OR2L13: variants seen among roughly 807,000 people sequenced by gnomAD.
The protein encoded by OR2L13 is olfactory receptor family 2 subfamily L member 13, also known as olfactory receptor 2L13.
In OR2L13, 14 loss-of-function variants were observed where a neutral mutation model predicts 15.3. That is an observed-to-expected ratio of 0.91 (90% CI 0.60 to 1.43). The LOEUF (loss-of-function observed/expected upper bound fraction) is 1.43. Among genes scored for constraint, OR2L13 ranks in the 40% most tolerant of loss-of-function variants. The pLI is 0.00. For missense variants in OR2L13, 367 were observed against 387.9 expected, an observed-to-expected ratio of 0.95 and a Z score of 0.45; for synonymous variants, 152 against 142.9, an observed-to-expected ratio of 1.06 and a Z score of -0.45.
chr1:247,996,672 T>A, the OR2L13 span, among the ~76,000 whole-genome samples: 2 of 152,314 alleles, frequency 1.3e-5, no homozygotes, highest in South Asian at 4.1e-4. Flanking sequence ...CACCTAAACA[T>A]CTTTCTTTTT....
At chr1:247,949,253 C>T in the OR2L13 span, 1 of 1,614,090 alleles carries the variant, frequency 6.2e-7, no homozygotes, top group Non-Finnish European at 8.5e-7. Context: ...TCCACTATCT[C>T]ATCCGCATGA....
the OR2L13 span, among the ~76,000 whole-genome samples, chr1:247,993,807 G>GAGAGAAAGAA: frequency 3.9e-5 from 5 of 129,016 alleles, no homozygotes; most frequent in South Asian, 4.6e-4. Flanking sequence ...GAGAGAGAGA[G>GAGAGAAAGAA]AGAGAAAGAA....
chr1:248,073,238 A>G, the OR2L13 span, among the ~76,000 whole-genome samples: 1 of 152,218 alleles, frequency 6.6e-6, no homozygotes, highest in Non-Finnish European at 1.5e-5. Flanking sequence ...AATGTCCAAC[A>G]ATGATAGACT....
the OR2L13 span, among the ~76,000 whole-genome samples, chr1:247,941,879 G>A: frequency 6.6e-6 from 1 of 152,102 alleles, no homozygotes; most frequent in Non-Finnish European, 1.5e-5. Context: ...TTTGTGGCAT[G>A]GAGCCTTCCT....
At chr1:248,085,889 A>G in the OR2L13 span, among the ~76,000 whole-genome samples, 1 of 152,110 alleles carries the variant, frequency 6.6e-6, no homozygotes, top group Middle Eastern at 3.2e-3. Flanking sequence ...TCACACTCCT[A>G]TGAGAACCTA....
At chr1:248,002,992 G>T in the OR2L13 span, 1 of 596,390 alleles carries the variant, frequency 1.7e-6, no homozygotes, top group Non-Finnish European at 3.0e-6. Context: ...CCTTTTCTTT[G>T]GTTGGTAGGC....
chr1:247,957,589 G>A, the OR2L13 span, among the ~76,000 whole-genome samples: 8 of 152,066 alleles, frequency 5.3e-5, no homozygotes, highest in African/African-American at 1.9e-4. Context: ...TTTTTGGTTG[G>A]TAAGATATTA....
At chr1:248,027,831 C>T in the OR2L13 span, among the ~76,000 whole-genome samples, 1 of 152,040 alleles carries the variant, frequency 6.6e-6, no homozygotes, top group Non-Finnish European at 1.5e-5. Context: ...TCAGCAATCC[C>T]CACACTTTAG....
At chr1:247,993,961 G>A in the OR2L13 span, among the ~76,000 whole-genome samples, 1 of 152,122 alleles carries the variant, frequency 6.6e-6, no homozygotes, top group African/African-American at 2.4e-5. Context: ...CGAACACAAT[G>A]TGTGGCAGGG....
At chr1:247,987,969 A>T in the OR2L13 span, among the ~76,000 whole-genome samples, 5 of 152,140 alleles carry the variant, frequency 3.3e-5, no homozygotes, top group African/African-American at 1.2e-4. Flanking sequence ...GATTATTATT[A>T]CTACTATTTC....
At chr1:248,014,083 G>T in the OR2L13 span, among the ~76,000 whole-genome samples, 1 of 152,070 alleles carries the variant, frequency 6.6e-6, no homozygotes, top group Non-Finnish European at 1.5e-5. Context: ...TTCCTCATTT[G>T]TACTTGGTTG....
At chr1:248,063,123 T>C in the OR2L13 span, 1 of 152,258 alleles carries the variant, frequency 6.6e-6, no homozygotes. Context: ...GTTTTTACTA[T>C]TTATGTGCAG....
chr1:248,058,299 T>A, the OR2L13 span, among the ~76,000 whole-genome samples: 1 of 152,200 alleles, frequency 6.6e-6, no homozygotes, highest in Admixed American at 6.5e-5. Context: ...ATTCATCTGA[T>A]AATGCTTGAT....
chr1:248,043,604 G>A, the OR2L13 span, among the ~76,000 whole-genome samples: 1 of 152,172 alleles, frequency 6.6e-6, no homozygotes, highest in South Asian at 2.1e-4. Flanking sequence ...ACATGAAAGA[G>A]TTTGTGAAAC....
chr1:248,100,234 A>T (rs761103793), exon 3 of OR2L13: 1 of 1,613,374 alleles, frequency 6.2e-7, no homozygotes, highest in South Asian at 1.1e-5. Context: ...GCTCAATCCC[A>T]TTATCTACAG....
chr1:248,089,104 A>G, the OR2L13 span, among the ~76,000 whole-genome samples: 4 of 152,064 alleles, frequency 2.6e-5, no homozygotes, highest in African/African-American at 9.7e-5. Flanking sequence ...CCTGATTTGG[A>G]TACAAACTTG....
chr1:248,101,049 A>G (rs1159216977), exon 3 of OR2L13: 2 of 152,206 alleles, frequency 1.3e-5, no homozygotes, highest in Non-Finnish European at 2.9e-5. Flanking sequence ...TATCTGACTT[A>G]TGATTTTGCT....
the OR2L13 span, among the ~76,000 whole-genome samples, chr1:247,945,194 C>T: frequency 6.6e-6 from 1 of 152,132 alleles, no homozygotes; most frequent in Non-Finnish European, 1.5e-5. Flanking sequence ...CCCAGAGATT[C>T]TGATAAGTTG....
chr1:248,034,721 C>T, the OR2L13 span, among the ~76,000 whole-genome samples: 2 of 152,058 alleles, frequency 1.3e-5, no homozygotes, highest in African/African-American at 4.8e-5. Flanking sequence ...TTAAGTGTTT[C>T]GTTTCTTTCT....
Sources: gnomAD v4.1 joint callset for allele counts (sites outside exome capture counted in the v4.1 genomes callset) on GRCh38, gnomAD v4.1.1 for gene constraint, MANE v1.5 for transcripts, NCBI Gene and HGNC (gene_info 2026-07-23, HGNC 2026-07-21) for gene names.